GALNT13: variants seen among roughly 807,000 people sequenced by gnomAD.
GALNT13 encodes the protein polypeptide N-acetylgalactosaminyltransferase 13, also known as UDP-GalNAc:polypeptide N-acetylgalactosaminyltransferase 13.
GALNT13 carries 28 observed loss-of-function variants against 64.2 expected under a neutral mutation model. That is an observed-to-expected ratio of 0.44 (90% CI 0.32 to 0.60). The LOEUF (loss-of-function observed/expected upper bound fraction) is 0.60. GALNT13 is among the 20% of genes least tolerant of loss of function. GALNT13 has a pLI of 0.05. For missense variants in GALNT13, 577 were observed against 669.8 expected, an observed-to-expected ratio of 0.86 and a Z score of 1.53; for synonymous variants, 214 against 224.6, an observed-to-expected ratio of 0.95 and a Z score of 0.42.
At chr2:153,735,267 GT>G in the GALNT13 span, among the ~76,000 whole-genome samples, 3 of 151,492 alleles carry the variant, frequency 2.0e-5, no homozygotes, top group Non-Finnish European at 2.9e-5. Flanking sequence ...TTACTATTTT[GT>G]TTTTTTAATG....
At chr2:154,052,735 T>A (rs570750572) in intron 3 of GALNT13, among the ~76,000 whole-genome samples, 287 of 114,636 alleles carry the variant, frequency 2.5e-3, no homozygotes, top group African/African-American at 8.1e-3. Flanking sequence ...CAGAATTGAC[T>A]TTTTTTTTTT....
At position 154,311,848 on chromosome 2, in the gene GALNT13, T is replaced by G. The variant is rs567108156; in HGVS notation, c.1156+10259T>G. Among the ~76,000 whole-genome samples the G allele has an allele frequency of 2.0e-5, 3 of 152,340 alleles. 1 individual carries two copies. The East Asian group carries it at 5.8e-4, about 29-fold the overall frequency. On this transcript the variant is annotated intron_variant, in intron 9 of 12. Coordinates refer to ENST00000392825, the MANE Select transcript of GALNT13 (RefSeq NM_052917.4). ...CTGAGAAAAGGAATTCAGCGATATT[T>G]CTCCCATTTGATTTTGAAAGAAGAG... is the stretch of plus-strand genomic sequence containing the variant.
In GALNT13 at chr2:154,267,159, A is replaced by G. The variant is rs578119339; in HGVS notation, c.975+8021A>G. Among the ~76,000 whole-genome samples, 5 of 152,214 alleles carry G rather than the reference A, an allele frequency of 3.3e-5. 1 individual carries two copies. The highest frequency in any genetic ancestry group is 6.5e-5 in the Admixed American group (1 of 15,280). ...AATGTCTATGTGGGGGGGAAAAACA[A>G]CTCCAATCCATAACTTATACCATGA... is the stretch of plus-strand genomic sequence containing the variant. On this transcript the variant is annotated intron_variant, in intron 8 of 12. Coordinates refer to ENST00000392825, the MANE Select transcript of GALNT13 (RefSeq NM_052917.4).
chr2:154,337,565 C>T (rs900822123), intron 9 of GALNT13, among the ~76,000 whole-genome samples: 10 of 151,804 alleles, frequency 6.6e-5, no homozygotes, highest in African/African-American at 2.4e-4. Flanking sequence ...TAATTATTAA[C>T]ATTTTAGTGC....
chr2:153,077,691 A>C, the GALNT13 span, among the ~76,000 whole-genome samples: 208 of 152,282 alleles, frequency 1.4e-3, 2 homozygotes, highest in African/African-American at 4.6e-3. Context: ...TGTTACTTTT[A>C]TAAATCTGTA....
At chr2:153,872,616 T>TC (rs1558826566) in intron 1 of GALNT13, among the ~76,000 whole-genome samples, 1,471 of 28,758 alleles carry the variant, frequency 0.051, 32 homozygotes, top group African/African-American at 0.083. Flanking sequence ...GAGTTGTTGG[T>TC]GGCGGGGGGG....
At chr2:154,162,339 A>T (rs1422214478) in intron 4 of GALNT13, among the ~76,000 whole-genome samples, 1 of 152,254 alleles carries the variant, frequency 6.6e-6, no homozygotes, top group Non-Finnish European at 1.5e-5. Flanking sequence ...AGTGCCTTTC[A>T]TCAACAGTTT....
At chr2:153,102,000 CAT>C in the GALNT13 span, among the ~76,000 whole-genome samples, 2 of 152,212 alleles carry the variant, frequency 1.3e-5, no homozygotes, top group Non-Finnish European at 2.9e-5. Context: ...GCTATATAGA[CAT>C]AAACAGTATC....
At chr2:153,125,843 T>C in the GALNT13 span, among the ~76,000 whole-genome samples, 21,247 of 152,184 alleles carry the variant, frequency 0.14, 1,692 homozygotes, top group Middle Eastern at 0.2. Context: ...TACATTTACA[T>C]AGATAATTTA....
chr2:154,262,372 C>T (rs1040894499), intron 8 of GALNT13, among the ~76,000 whole-genome samples: 2 of 152,304 alleles, frequency 1.3e-5, no homozygotes, highest in South Asian at 2.1e-4. Context: ...CAAGCTTCCT[C>T]CACAATTCTG....
At chr2:154,213,190 C>T (rs938510981) in intron 4 of GALNT13, among the ~76,000 whole-genome samples, 6 of 152,112 alleles carry the variant, frequency 3.9e-5, no homozygotes, top group Non-Finnish European at 8.8e-5. Flanking sequence ...GCAACCTCCA[C>T]CCCCAACCTC....
the GALNT13 span, among the ~76,000 whole-genome samples, chr2:153,180,055 T>G: frequency 1.3e-5 from 2 of 152,152 alleles, no homozygotes; most frequent in Admixed American, 6.5e-5. Flanking sequence ...CAAAAACTTC[T>G]AATGCTATGC....
chr2:153,443,099 A>G, the GALNT13 span, among the ~76,000 whole-genome samples: 1 of 152,160 alleles, frequency 6.6e-6, no homozygotes, highest in Non-Finnish European at 1.5e-5. Context: ...GGTGTCTGAA[A>G]AAAAACTCTT....
the GALNT13 span, among the ~76,000 whole-genome samples, chr2:153,593,632 G>A: frequency 1.3e-5 from 2 of 152,192 alleles, no homozygotes; most frequent in African/African-American, 4.8e-5. Flanking sequence ...GTGGAATGAG[G>A]TGTAGGGGTT....
At chr2:153,678,645 C>A in the GALNT13 span, among the ~76,000 whole-genome samples, 11 of 151,874 alleles carry the variant, frequency 7.2e-5, no homozygotes, top group African/African-American at 2.2e-4. Context: ...GGTAACAAAC[C>A]TACACATTTA....
intron 4 of GALNT13, among the ~76,000 whole-genome samples, chr2:154,235,814 T>C (rs1274914556): frequency 6.6e-6 from 1 of 152,186 alleles, no homozygotes; most frequent in Non-Finnish European, 1.5e-5. Flanking sequence ...TGATGTGGCA[T>C]GTTGTGTTCA....
At chr2:153,519,886 GTGTTCTGGACA>G in the GALNT13 span, among the ~76,000 whole-genome samples, 1 of 152,108 alleles carries the variant, frequency 6.6e-6, no homozygotes. Context: ...AATATCTGGA[GTGTTCTGGACA>G]TGTCACAAAT....
At chr2:153,502,749 C>T in the GALNT13 span, among the ~76,000 whole-genome samples, 2 of 152,194 alleles carry the variant, frequency 1.3e-5, no homozygotes, top group Admixed American at 6.5e-5. Context: ...CCAACATCTA[C>T]AATTTTTTGA....
At chr2:154,031,242 A>C (rs1164960470) in intron 3 of GALNT13, among the ~76,000 whole-genome samples, 2 of 152,116 alleles carry the variant, frequency 1.3e-5, no homozygotes, top group Non-Finnish European at 2.9e-5. Flanking sequence ...AACTAGGGTA[A>C]GTATTAGACA....
Sources: allele counts gnomAD v4.1 joint callset (sites outside exome capture counted in the v4.1 genomes callset), GRCh38; gene constraint gnomAD v4.1.1; transcripts MANE v1.5; gene names NCBI Gene and HGNC (gene_info 2026-07-23, HGNC 2026-07-21).